MAP3K9: variants seen among roughly 807,000 people sequenced by gnomAD.
MAP3K9 encodes the protein mitogen-activated protein kinase kinase kinase 9.
A neutral mutation model predicts 95.8 loss-of-function variants in MAP3K9; 46 were observed. The observed-to-expected ratio is 0.48, with a 90% confidence interval of 0.38 to 0.61. MAP3K9 has a LOEUF of 0.61. Ranked by LOEUF, MAP3K9 falls within the 20% of genes least tolerant of loss-of-function variation. The pLI is 0.00. For synonymous variants in MAP3K9, 533 were observed against 593.8 expected, an observed-to-expected ratio of 0.90 and a Z score of 1.49; for missense variants, 1,296 against 1,474.3, an observed-to-expected ratio of 0.88 and a Z score of 1.98.
At chr14:70,790,676 G>T (rs2054797744) in intron 2 of MAP3K9, among the ~76,000 whole-genome samples, 1 of 152,164 alleles carries the variant, frequency 6.6e-6, no homozygotes, top group Admixed American at 6.6e-5. Context: ...ATTTTGCGTG[G>T]TTCCCTGGCC....
At position 70,761,119 on chromosome 14, in the gene MAP3K9, A is replaced by G. The variant is rs1378663115; in HGVS notation, c.884T>C (p.Phe295Ser). Residue 295 changes from phenylalanine (F) to serine (S), a missense_variant, in exon 3 of 12, where the codon TTT (phenylalanine) becomes TCT (serine). By Grantham distance (155) the Phe-to-Ser change is radical. Coordinates refer to ENST00000554752, the MANE Select transcript of MAP3K9 (RefSeq NM_001284230.2). ...TCGGTGCCATTCCCGAGCCAGGCCA[A>G]AATCAGTGATCTTCAGAATCTTGTT... The part of the protein sequence containing the change: ...LSNKILKITD[F>S]GLAREWHRTT... 1 of 1,614,130 alleles carries G rather than the reference A, an allele frequency of 6.2e-7. No individual in the cohort carries two copies. Among genetic ancestry groups the G allele is most frequent in the Admixed American group, 1.7e-5 (1 of 60,016 alleles).
intron 1 of MAP3K9, among the ~76,000 whole-genome samples, chr14:70,807,318 C>A (rs963427406): frequency 6.6e-6 from 1 of 152,132 alleles, no homozygotes; most frequent in Non-Finnish European, 1.5e-5. Context: ...TGGTGAACCT[C>A]ATCTCTACTA....
At chr14:70,770,273 T>C (rs529469767) in intron 2 of MAP3K9, among the ~76,000 whole-genome samples, 16 of 152,278 alleles carry the variant, frequency 1.1e-4, no homozygotes, top group African/African-American at 3.6e-4. Flanking sequence ...CTCCACTTCC[T>C]GGGTTCAAGC....
In MAP3K9 at chr14:70,743,840, C is replaced by A. The variant is rs1036607845; in HGVS notation, c.1327-1249G>T. 2.0e-5 allele frequency among the ~76,000 whole-genome samples: 3 copies of A among 152,304 alleles called. 1 individual carries two copies. The highest frequency in any genetic ancestry group is 2.0e-4 in the Admixed American group (3 of 15,300). On this transcript the variant is annotated intron_variant, in intron 5 of 11. Coordinates refer to ENST00000554752, the MANE Select transcript of MAP3K9 (RefSeq NM_001284230.2). ...GAACTAGAAATACCATTTGACCCAG[C>A]AATCCCATTACTGGGTATATACCCA...
intron 2 of MAP3K9, among the ~76,000 whole-genome samples, chr14:70,767,697 G>A (rs2054476509): frequency 6.6e-6 from 1 of 152,128 alleles, no homozygotes. Context: ...ACAAAAGTGA[G>A]TATCAGGTCA....
rs558401460 is a variant in MAP3K9, at chr14:70,797,736, A to T, written c.820+2931T>A. 9.2e-5 allele frequency among the ~76,000 whole-genome samples: 14 copies of T among 152,328 alleles called. No individual in the cohort carries two copies. The South Asian group carries it at 2.1e-3, about 23-fold the overall frequency. On this transcript the variant is annotated intron_variant, in intron 2 of 11. Transcript: ENST00000554752. ...ACAAAGTGAGACCCTGTCTCTAAAA[A>T]AAATAAATAAATAAAATACAATCAT...
chr14:70,784,266 A>G (rs927785174), intron 2 of MAP3K9, among the ~76,000 whole-genome samples: 1 of 151,868 alleles, frequency 6.6e-6, no homozygotes, highest in African/African-American at 2.4e-5. Context: ...CTGGGAAACA[A>G]GAGCAAAACT....
rs1278796124 is a variant in MAP3K9 at position 70,738,345 on chromosome 14, C to T, written c.1744G>A (p.Glu582Lys). ...CTCTTCTCCTCCTCCTCCCCTTCCT[C>T]CTTTGGGACGACTGAGCTCCTGCCC... Reference protein sequence around the residue: ...TWGRSSVVPKEEGEEEEKRAP... With the variant: ...TWGRSSVVPKKEGEEEEKRAP... Residue 582 changes from glutamate (E) to lysine (K), a missense_variant, in exon 8 of 12, where the codon GAG (glutamate) becomes AAG (lysine). Glu to Lys is a moderately conservative substitution (Grantham distance 56). Around this residue, in one of 5 missense-constraint regions of MAP3K9, gnomAD observed 377 missense variants for 417.1 expected, o/e 0.90. Transcript: ENST00000554752. 6.2e-7 allele frequency: 1 copy of T among 1,614,000 alleles called. No individual in the cohort carries two copies. Among genetic ancestry groups the T allele is most frequent in the Non-Finnish European group, 8.5e-7 (1 of 1,180,024 alleles).
At chr14:70,770,374 G>A (rs2054514711) in intron 2 of MAP3K9, among the ~76,000 whole-genome samples, 1 of 151,604 alleles carries the variant, frequency 6.6e-6, no homozygotes, top group African/African-American at 2.4e-5. Flanking sequence ...AGTAGAGACG[G>A]GGTTTTACCA....
intron 3 of MAP3K9, among the ~76,000 whole-genome samples, chr14:70,757,727 T>G (rs2054316247): frequency 6.6e-6 from 1 of 152,194 alleles, no homozygotes; most frequent in African/African-American, 2.4e-5. Context: ...GGAGTAGAAC[T>G]GAGAATCTAG....
At chr14:70,783,773 T>A (rs981368101) in intron 2 of MAP3K9, among the ~76,000 whole-genome samples, 1 of 152,180 alleles carries the variant, frequency 6.6e-6, no homozygotes, top group East Asian at 1.9e-4. Context: ...TAAATTCAGC[T>A]GCAAAGAAAC....
intron 5 of MAP3K9, among the ~76,000 whole-genome samples, chr14:70,746,636 T>C (rs1387381646): frequency 6.6e-6 from 1 of 152,214 alleles, no homozygotes; most frequent in Non-Finnish European, 1.5e-5. Flanking sequence ...GCATCACATG[T>C]AATATGGAGT....
chr14:70,798,470 A>AGTTTTT (rs2041296481), intron 2 of MAP3K9, among the ~76,000 whole-genome samples: 3 of 108,340 alleles, frequency 2.8e-5, no homozygotes, highest in Admixed American at 9.0e-5. Context: ...GGTCACCAAA[A>AGTTTTT]GTTTTTTTTT....
At chr14:70,804,196 G>A (rs1401900600) in intron 1 of MAP3K9, among the ~76,000 whole-genome samples, 1 of 152,184 alleles carries the variant, frequency 6.6e-6, no homozygotes, top group East Asian at 1.9e-4. Context: ...GCTATGTTCT[G>A]GGAGTTGTTC....
chr14:70,732,378 T>C, intron 11 of MAP3K9, among the ~76,000 whole-genome samples, 161 bp downstream of exon 11: 1 of 152,134 alleles, frequency 6.6e-6, no homozygotes, highest in East Asian at 1.9e-4. Flanking sequence ...CAGCCAGCCC[T>C]GGCTGCCTCC....
At chr14:70,808,735 C>A in intron 1 of MAP3K9, 31 bp downstream of exon 1, 2 of 1,431,444 alleles carry the variant, frequency 1.4e-6, no homozygotes, top group South Asian at 2.9e-5. Context: ...CCGTCATTCC[C>A]CCTCCCCGCC....
At chr14:70,785,650 G>A (rs900375040) in intron 2 of MAP3K9, among the ~76,000 whole-genome samples, 3 of 152,178 alleles carry the variant, frequency 2.0e-5, no homozygotes, top group Admixed American at 6.5e-5. Context: ...TGTAGTCAGA[G>A]GATCGTCTGC....
At chr14:70,783,251 C>A (rs1377377425) in intron 2 of MAP3K9, 1 of 960,870 alleles carries the variant, frequency 1.0e-6, no homozygotes, top group Non-Finnish European at 1.2e-6. Flanking sequence ...AGTACTGTGT[C>A]CAAACAACGG....
Position 70,728,930 on chromosome 14 carries a change from A to G in MAP3K9, c.*1450T>C, listed in dbSNP as rs548051404. On this transcript the variant is annotated 3_prime_UTR_variant, in exon 12 of 12. Coordinates refer to ENST00000554752, the MANE Select transcript of MAP3K9 (RefSeq NM_001284230.2). Reference sequence around the variant, plus strand: ...CAATCAAGTCGTCATTCCCACATAAAGACAACTGTTCACACATAACACAGG... The same window carrying G: ...CAATCAAGTCGTCATTCCCACATAAGGACAACTGTTCACACATAACACAGG... 4.6e-5 allele frequency: 7 copies of G among 152,368 alleles called. No homozygotes were observed. The South Asian group carries it at 1.5e-3, about 32-fold the overall frequency. The allele number at this position is 152,368 out of a possible 1,614,324, so 9.4% of individuals were successfully genotyped here.
Sources: allele counts gnomAD v4.1 joint callset (sites outside exome capture counted in the v4.1 genomes callset), GRCh38; gene constraint gnomAD v4.1.1; regional missense constraint gnomAD v4.1.1; transcripts MANE v1.5; gene names NCBI Gene and HGNC (gene_info 2026-07-23, HGNC 2026-07-21).